The following MAX variants were observed in gnomAD, a reference collection of about 807,000 sequenced individuals.
The protein encoded by MAX is MYC associated transcriptional regulator X.
MAX carries 3 observed loss-of-function variants against 22.3 expected under a neutral mutation model. The observed-to-expected ratio is 0.13, with a 90% CI of 0.06 to 0.35. The LOEUF is 0.35. MAX is among the 10% of genes least tolerant of loss of function. The pLI, the probability that MAX is intolerant of heterozygous loss-of-function variation, is 1.00. For missense variants in MAX, 119 were observed against 209.4 expected (o/e 0.57, Z 2.66); for synonymous variants, 72 against 77.7 (o/e 0.93, Z 0.39).
chr14:65,043,320 C>T (rs1361007519), intron 3 of MAX, among the ~76,000 whole-genome samples: 2 of 152,154 alleles, frequency 1.3e-5, no homozygotes, highest in African/African-American at 4.8e-5. Context: ...TCGTGTGTGA[C>T]CGCTGAGTGA....
chr14:65,102,066 AG>A (rs1228230986), intron 1 of MAX, among the ~76,000 whole-genome samples: 4 of 152,034 alleles, frequency 2.6e-5, no homozygotes, highest in Admixed American at 2.6e-4. Context: ...CCCGCAAGGG[AG>A]GAGGTGGGGG....
At chr14:65,037,426 T>C (rs2062224311) in intron 3 of MAX, among the ~76,000 whole-genome samples, 10 of 115,984 alleles carry the variant, frequency 8.6e-5, no homozygotes, top group Non-Finnish European at 1.2e-4. Flanking sequence ...TTTTTTTTTT[T>C]TTTTTTTTTT....
intron 2 of MAX, among the ~76,000 whole-genome samples, chr14:65,100,418 C>T (rs1401317454): frequency 6.6e-6 from 1 of 152,120 alleles, no homozygotes; most frequent in East Asian, 1.9e-4. Context: ...CCATTGCACT[C>T]CAGCCTGGTG....
At chr14:65,026,076 G>A (rs541357322) in intron 3 of MAX, among the ~76,000 whole-genome samples, 4 of 152,354 alleles carry the variant, frequency 2.6e-5, no homozygotes, top group East Asian at 3.9e-4. Context: ...AGTAGGCTAT[G>A]TAGTCTTTCT....
rs1009797718 is a variant in MAX, at chr14:65,027,257, C to A, written c.172-20973G>T. The A allele has an allele frequency of 2.4e-5, 20 of 830,298 alleles. No homozygotes were observed. Among genetic ancestry groups the A allele is most frequent in the Non-Finnish European group, 3.1e-5 (17 of 549,304 alleles). The allele number at this position is 830,298 out of a possible 1,614,324, so 51.4% of individuals were successfully genotyped here. ...CTTAAGTACGAAACTCAGAGGAGGG[C>A]AGACAGAAATGATGATAGCTGGAGA... On this transcript the variant is annotated intron_variant, in intron 3 of 3. Transcript: ENST00000341653. The surrounding 1 kb of genome is among the most constrained non-coding windows in gnomAD (Gnocchi z 5.7).
chr14:65,101,741 G>A (rs2063847113), intron 1 of MAX, 169 bp from the exon 2 acceptor site: 1 of 627,942 alleles, frequency 1.6e-6, no homozygotes, highest in Non-Finnish European at 2.8e-6. Context: ...CACCCTCGGC[G>A]GGATCCGGTA....
At position 65,020,488 on chromosome 14, in the gene MAX, C is replaced by T. The variant is rs188737728; in HGVS notation, c.172-14204G>A. On this transcript the variant is annotated intron_variant, in intron 3 of 3. Coordinates refer to the MAX transcript ENST00000341653. Reference sequence around the variant, plus strand: ...TTGCCCAGACTGGAGTGCAGTGGCACGATCTTGGCTCACTGCAACCTCCAC... The same window carrying T: ...TTGCCCAGACTGGAGTGCAGTGGCATGATCTTGGCTCACTGCAACCTCCAC... 2.2e-3 allele frequency among the ~76,000 whole-genome samples: 342 copies of T among 152,086 alleles called. 1 individual carries two copies. The highest frequency in any genetic ancestry group is 7.5e-3 in the African/African-American group (310 of 41,508).
chr14:65,102,184 G>T (rs2063867142), intron 1 of MAX, 120 bp downstream of exon 1: 2 of 1,538,778 alleles, frequency 1.3e-6, no homozygotes. Flanking sequence ...TCCTGGCCCC[G>T]AGGGGAAGGG....
At chr14:65,064,750 G>A (rs1024896527) in intron 3 of MAX, among the ~76,000 whole-genome samples, 1 of 152,226 alleles carries the variant, frequency 6.6e-6, no homozygotes, top group African/African-American at 2.4e-5. Flanking sequence ...TTGGGAACGG[G>A]GAAGGAACAA....
downstream of MAX, among the ~76,000 whole-genome samples, chr14:65,074,911 C>T (rs1206022057): frequency 2.6e-5 from 4 of 152,210 alleles, no homozygotes; most frequent in East Asian, 7.7e-4. Flanking sequence ...TCAAAAGCCT[C>T]ATCCAATGAA....
At chr14:65,102,629 C>G (rs2063885629), upstream of MAX, 4 of 1,198,932 alleles carry the variant, frequency 3.3e-6, no homozygotes, top group African/African-American at 1.6e-5. Flanking sequence ...AACAGACGGC[C>G]CGGGTAGCTC....
Position 65,076,646 on chromosome 14 carries a change from C to T in MAX, c.313G>A (p.Ala105Thr). 1.2e-6 allele frequency: 2 copies of T among 1,614,168 alleles called. No individual in the cohort carries two copies. Among genetic ancestry groups the T allele is most frequent in the Non-Finnish European group, 1.7e-6 (2 of 1,180,044 alleles). Residue 105 changes from alanine to threonine, a missense_variant, in exon 5 of 5, where the codon GCG (alanine) becomes ACG (threonine). Coordinates refer to ENST00000358664, the MANE Select transcript of MAX (RefSeq NM_002382.5). This position sits in a 1 kb window ranked among gnomAD's most constrained non-coding sequence, Gnocchi z 6.6. ...GTCTGCAGTTGGGCACTTGACCTCG[C>T]CTTCTCCAGTGCACGGACTAAAAGG... ...LEQQVRALEK[A>T]RSSAQLQTNY... is the part of the protein sequence containing the mutation.
rs1772365345 is a variant in MAX at position 65,093,527 on chromosome 14, T to G, written c.171+181A>C. 2 of 623,990 alleles carry G rather than the reference T, an allele frequency of 3.2e-6. No individual in the cohort carries two copies. Among genetic ancestry groups the G allele is most frequent in the South Asian group, 3.6e-5 (2 of 55,392 alleles). 38.7% of individuals were successfully genotyped at this position (623,990 alleles called of 1,614,324 possible). ...CTCCATTATATCTGACATATTTTGTTAAGGATAAACTGGAGTACGTAAGGT... is the reference window on the plus strand; with the variant it reads ...CTCCATTATATCTGACATATTTTGTGAAGGATAAACTGGAGTACGTAAGGT... On this transcript the variant is annotated intron_variant, in intron 3 of 4. Transcript: ENST00000358664. The surrounding 1 kb of genome is among the most constrained non-coding windows in gnomAD (Gnocchi z 4.4).
At chr14:65,025,989 G>A (rs1035737928) in intron 3 of MAX, among the ~76,000 whole-genome samples, 1 of 152,154 alleles carries the variant, frequency 6.6e-6, no homozygotes, top group Non-Finnish European at 1.5e-5. Flanking sequence ...TTCTCTGCCC[G>A]GATAATGGGA....
In MAX at chr14:65,075,798, G is replaced by C. The variant is rs934021031; in HGVS notation, c.*678C>G. On this transcript the variant is annotated 3_prime_UTR_variant, in exon 5 of 5. Transcript: ENST00000358664. This position sits in a 1 kb window ranked among gnomAD's most constrained non-coding sequence, Gnocchi z 4.1. ...CCACGAGAGTGTCACACGGCCCTCC[G>C]TGAGGCTGGCGCCGCAGGCTTAAAC... 1.9e-6 allele frequency: 2 copies of C among 1,066,278 alleles called. No homozygotes were observed. The highest frequency in any genetic ancestry group is 2.3e-6 in the Non-Finnish European group (2 of 879,938). The allele number at this position is 1,066,278 out of a possible 1,614,324, so 66.1% of individuals were successfully genotyped here.
chr14:65,045,199 G>A (rs893422919), intron 3 of MAX, among the ~76,000 whole-genome samples: 6 of 152,174 alleles, frequency 3.9e-5, no homozygotes, highest in Non-Finnish European at 7.3e-5. Flanking sequence ...CTTGATGTGA[G>A]AGCAGGTGTC....
rs1363688951 is a variant in MAX, at chr14:65,084,560, T to C, written c.172-6524A>G. Among the ~76,000 whole-genome samples, 2 of 152,096 alleles carry C rather than the reference T, an allele frequency of 1.3e-5. No individual in the cohort carries two copies. The highest frequency in any genetic ancestry group is 4.8e-5 in the African/African-American group (2 of 41,398). ...CAACACACGGAAAAAGGTCAGATGC[T>C]CGCACCCCTCAACCCAGAAATCCAA... On this transcript the variant is annotated intron_variant, in intron 3 of 4. Coordinates refer to ENST00000358664, the MANE Select transcript of MAX (RefSeq NM_002382.5). The surrounding 1 kb of genome is among the most constrained non-coding windows in gnomAD (Gnocchi z 4.3).
rs112323207 is a variant in MAX at position 65,044,522 on chromosome 14, T to C, written c.172-38238A>G. The C allele has an allele frequency of 3.2e-4, 499 of 1,541,720 alleles. 3 individuals are homozygous for C. The African/African-American group carries it at 5.9e-3, about 18-fold the overall frequency. ...CAAAGTCTGGAAGCCCAGCGTGCTT[T>C]TTTAGAGGGGTTGAAATGAGCTCTG... On this transcript the variant is annotated intron_variant, in intron 3 of 3. Transcript: ENST00000341653. This position sits in a 1 kb window ranked among gnomAD's most constrained non-coding sequence, Gnocchi z 5.5.
Position 65,084,178 on chromosome 14 carries a change from T to TTTTAA in MAX, c.172-6147_172-6143dup, listed in dbSNP as rs2063266060. ...TGTGTAAGGGGTCAAAACAATCATT[T>TTTTAA]TTTAAATCTTGCATTCTTTTTTCTT... On this transcript the variant is annotated intron_variant, in intron 3 of 4. Transcript: ENST00000358664. The surrounding 1 kb of genome is among the most constrained non-coding windows in gnomAD (Gnocchi z 4.3). 1 of 1,613,672 alleles carries TTTTAA rather than the reference T, an allele frequency of 6.2e-7. No homozygotes were observed. The highest frequency in any genetic ancestry group is 1.7e-5 in the Admixed American group (1 of 60,002).
Sources: gnomAD v4.1 joint callset for allele counts (sites outside exome capture counted in the v4.1 genomes callset) on GRCh38, gnomAD v4.1.1 for gene constraint, Gnocchi (gnomAD v3.1) non-coding constraint, MANE v1.5 for transcripts, NCBI Gene and HGNC (gene_info 2026-07-23, HGNC 2026-07-21) for gene names.